Variants in CAPN13 observed in about 807,000 individuals in gnomAD.
CAPN13 encodes calpain 13, also known as calpain-13.
In CAPN13, 90 loss-of-function variants were observed where a neutral mutation model predicts 98.4. That is an observed-to-expected ratio of 0.92 (90% CI 0.77 to 1.09). The LOEUF (loss-of-function observed/expected upper bound fraction) is 1.09. Ranked by LOEUF, CAPN13 falls within the 50% of genes least tolerant of loss-of-function variation. CAPN13 has a pLI of 0.00. For missense variants in CAPN13, 887 were observed against 841.3 expected (o/e 1.05, Z -0.67); for synonymous variants, 330 against 305.5 (o/e 1.08, Z -0.84).
intron 11 of CAPN13, chr2:30,746,694 C>G (rs534097323): frequency 9.7e-5 from 18 of 185,840 alleles, no homozygotes; most frequent in Non-Finnish European, 1.7e-4. Flanking sequence ...ATAAGTGGAA[C>G]ACGTTCCTCT....
chr2:30,751,143 G>T lies in CAPN13; in HGVS notation c.1196C>A (p.Ala399Glu). The change falls in exon 11 of 23, where the codon GCA becomes GAA. Residue 399 changes from alanine (A) to glutamate (E), a missense_variant. Physicochemically the swap from Ala to Glu is moderately radical, Grantham distance 107. Coordinates refer to ENST00000295055, the MANE Select transcript of CAPN13 (RefSeq NM_144575.3). ...ATCGAGTGGAAATTTTGCATCTTCTGCTTTCAAATTTGATGGTGTGACAGC... is the reference window on the plus strand; with the variant it reads ...ATCGAGTGGAAATTTTGCATCTTCTTCTTTCAAATTTGATGGTGTGACAGC... The part of the protein sequence containing the change: ...TVAVTPSNLK[A>E]EDAKFPLDFQ... 1 of 1,613,736 alleles carries T rather than the reference G, an allele frequency of 6.2e-7. No individual in the cohort carries two copies.
At position 30,798,380 on chromosome 2, in the gene CAPN13, C is replaced by CAG. The variant is rs1674998193; in HGVS notation, c.-33+8920_-33+8921dup. On this transcript the variant is annotated intron_variant, in intron 1 of 22. Coordinates refer to ENST00000295055, the MANE Select transcript of CAPN13 (RefSeq NM_144575.3). ...GTCCCAGGAGAGCCTTTGGATTGGG[C>CAG]AGATCCCTTCCAACTTCAACCTACT... Among the ~76,000 whole-genome samples, 4 of 152,190 alleles carry CAG rather than the reference C, an allele frequency of 2.6e-5. No homozygotes were observed. In the South Asian group the frequency reaches 8.3e-4, roughly 32 times the overall value.
Position 30,737,170 on chromosome 2 carries a change from G to A in CAPN13, c.1654-599C>T, listed in dbSNP as rs147415146. 738 of 152,930 alleles carry A rather than the reference G, an allele frequency of 4.8e-3. 8 individuals carry two copies. The highest frequency in any genetic ancestry group is 7.6e-3 in the Non-Finnish European group (523 of 68,526). 9.5% of individuals were successfully genotyped at this position (152,930 alleles called of 1,614,324 possible). Reference sequence around the variant, plus strand: ...CCCCTCGGGTTACTCACCCCGGGCCGTGGCACTGTGAGGACCATTTGGATT... The same window carrying A: ...CCCCTCGGGTTACTCACCCCGGGCCATGGCACTGTGAGGACCATTTGGATT... On this transcript the variant is annotated intron_variant, in intron 17 of 22. Coordinates refer to ENST00000295055, the MANE Select transcript of CAPN13 (RefSeq NM_144575.3).
Position 30,741,971 on chromosome 2 carries a change from C to G in CAPN13, c.1480-7G>C. The G allele has an allele frequency of 6.2e-7, 1 of 1,612,726 alleles. No individual in the cohort carries two copies. The highest frequency in any genetic ancestry group is 8.5e-7 in the Non-Finnish European group (1 of 1,178,820). ...CATGTTCTGAAGGGCTTCCCTGGAT[C>G]AAAGGGAAAATAGTCAATGTTAGAC... On this transcript the variant is annotated splice_region_variant and splice_polypyrimidine_tract_variant and intron_variant, in intron 14 of 22. Coordinates refer to ENST00000295055, the MANE Select transcript of CAPN13 (RefSeq NM_144575.3).
chr2:30,759,613 G>A (rs990480070), intron 7 of CAPN13, among the ~76,000 whole-genome samples: 1 of 152,216 alleles, frequency 6.6e-6, no homozygotes. Context: ...AGCCGCAGGT[G>A]GACGCAGGGC....
In CAPN13 at chr2:30,734,529, TA is replaced by T. The variant is rs1374100384; in HGVS notation, c.1723-6del. 5 of 1,612,058 alleles carry T rather than the reference TA, an allele frequency of 3.1e-6. No individual in the cohort carries two copies. Among genetic ancestry groups the T allele is most frequent in the African/African-American group, 1.3e-5 (1 of 74,890 alleles). ...CTGAACCTTCTGGAAAACATGCTAA[TA>T]GGGGAAGAGAAGCAAGAAGTCTGTG... On this transcript the variant is annotated splice_region_variant and splice_polypyrimidine_tract_variant and intron_variant, in intron 18 of 22. Coordinates refer to ENST00000295055, the MANE Select transcript of CAPN13 (RefSeq NM_144575.3).
intron 5 of CAPN13, among the ~76,000 whole-genome samples, chr2:30,769,951 C>T (rs565036204): frequency 6.6e-6 from 1 of 152,316 alleles, no homozygotes; most frequent in South Asian, 2.1e-4. Flanking sequence ...ATGCCACCAC[C>T]TCCACACAGC....
intron 11 of CAPN13, among the ~76,000 whole-genome samples, 160 bp from the exon 12 acceptor site, chr2:30,745,894 A>ATT (rs57880021): frequency 0.23 from 20,875 of 92,492 alleles, 2,987 homozygotes; most frequent in Admixed American, 0.26. Flanking sequence ...GCCATAAAGC[A>ATT]TTTTTTTTTT....
At chr2:30,796,602 C>T (rs895097135) in intron 1 of CAPN13, among the ~76,000 whole-genome samples, 1 of 152,004 alleles carries the variant, frequency 6.6e-6, no homozygotes, top group Admixed American at 6.6e-5. Flanking sequence ...GAGCAATTAA[C>T]CAAGCAGATA....
At chr2:30,738,015 A>G in intron 17 of CAPN13, 1 of 598,070 alleles carries the variant, frequency 1.7e-6, no homozygotes, top group Non-Finnish European at 3.1e-6. Flanking sequence ...ACCCCAGTAC[A>G]CTGATCAGCA....
chr2:30,739,488 G>A (rs932003923), intron 15 of CAPN13, among the ~76,000 whole-genome samples: 1 of 152,074 alleles, frequency 6.6e-6, no homozygotes, highest in African/African-American at 2.4e-5. Context: ...TGCCCCTGAG[G>A]AAAGCATCCT....
chr2:30,807,251 T>A (rs1011905724), intron 1 of CAPN13, 51 bp downstream of exon 1: 2 of 152,192 alleles, frequency 1.3e-5, no homozygotes, highest in African/African-American at 4.8e-5. Context: ...CACTAATGTT[T>A]AGAGGACTGC....
At chr2:30,742,207 C>T in intron 14 of CAPN13, 119 bp downstream of exon 14, 1 of 1,280,174 alleles carries the variant, frequency 7.8e-7, no homozygotes, top group Non-Finnish European at 1.1e-6. Context: ...ATCGGCCTAT[C>T]ATGGTGTCTC....
At chr2:30,776,157 A>T (rs1673680722) in intron 3 of CAPN13, 112 bp from the exon 4 acceptor site, 2 of 594,662 alleles carry the variant, frequency 3.4e-6, no homozygotes, top group Non-Finnish European at 5.7e-6. Context: ...TAAATAATGC[A>T]TTTTTTTTTC....
chr2:30,726,716 AAAG>A (rs1381776268), intron 22 of CAPN13, among the ~76,000 whole-genome samples: 1 of 152,142 alleles, frequency 6.6e-6, no homozygotes, highest in Non-Finnish European at 1.5e-5. Flanking sequence ...CAAAAAAATT[AAAG>A]AAGATATAGA....
chr2:30,774,983 C>G (rs1287228185), intron 4 of CAPN13, among the ~76,000 whole-genome samples: 1 of 152,150 alleles, frequency 6.6e-6, no homozygotes, highest in Non-Finnish European at 1.5e-5. Context: ...GCTCTTGTCA[C>G]TCATTCAAAA....
chr2:30,741,260 G>C, intron 15 of CAPN13: 3 of 503,692 alleles, frequency 6.0e-6, no homozygotes, highest in Non-Finnish European at 7.7e-6. Flanking sequence ...TTAACCCTCT[G>C]AATGCAGAGG....
intron 7 of CAPN13, 77 bp downstream of exon 7, chr2:30,763,005 C>A: frequency 8.4e-7 from 1 of 1,195,172 alleles, no homozygotes; most frequent in Non-Finnish European, 1.2e-6. Flanking sequence ...TCATGTGATT[C>A]TGGCCCCTAT....
intron 1 of CAPN13, among the ~76,000 whole-genome samples, chr2:30,800,172 G>GAAAGAAAGAA (rs1675179184): frequency 1.3e-5 from 2 of 151,042 alleles, no homozygotes; most frequent in Non-Finnish European, 3.0e-5. Context: ...AAGAAAGAAA[G>GAAAGAAAGAA]AAAGAAAGAA....
Sources: allele counts gnomAD v4.1 joint callset (sites outside exome capture counted in the v4.1 genomes callset), GRCh38; gene constraint gnomAD v4.1.1; transcripts MANE v1.5; gene names NCBI Gene and HGNC (gene_info 2026-07-23, HGNC 2026-07-21).